Variants in CCDC47 observed in about 807,000 individuals in gnomAD.
The protein encoded by CCDC47 is coiled-coil domain containing 47.
Under a neutral mutation model 60.5 loss-of-function variants are expected in CCDC47, and 41 were observed. That is an observed-to-expected ratio of 0.68 (90% CI 0.53 to 0.88). The LOEUF is 0.88. Among genes scored for constraint, CCDC47 ranks in the 40% least tolerant of loss-of-function variants. The pLI is 0.00. For missense variants in CCDC47, 513 were observed against 580.9 expected (o/e 0.88, Z 1.20); for synonymous variants, 195 against 190.7 (o/e 1.02, Z -0.18).
At chr17:63,763,827 A>G (rs1200818176) in intron 4 of CCDC47, among the ~76,000 whole-genome samples, 189 bp downstream of exon 4, 1 of 151,730 alleles carries the variant, frequency 6.6e-6, no homozygotes, top group Non-Finnish European at 1.5e-5. Context: ...CATCTCAAAA[A>G]TAGTAATAAT....
chr17:63,746,654 A>C lies in CCDC47; in HGVS notation c.*227T>G. 1 of 424,386 alleles carries C rather than the reference A, an allele frequency of 2.4e-6. No homozygotes were observed. Among genetic ancestry groups the C allele is most frequent in the East Asian group, 3.5e-5 (1 of 28,624 alleles). 26.3% of individuals were successfully genotyped at this position (424,386 alleles called of 1,614,324 possible). A position where few individuals can be genotyped will look rare whatever the true frequency, so the allele number is the denominator to read the frequency against. On this transcript the variant is annotated 3_prime_UTR_variant, in exon 13 of 13. Coordinates refer to ENST00000225726, the MANE Select transcript of CCDC47 (RefSeq NM_020198.3). ...TCATTCCTTTTATAAAATAATCAAAATAATTTGATTATCTGGAAAAAAAAA... is the reference window on the plus strand; with the variant it reads ...TCATTCCTTTTATAAAATAATCAAACTAATTTGATTATCTGGAAAAAAAAA...
At chr17:63,764,264 T>G in intron 3 of CCDC47, 74 bp from the exon 4 acceptor site, 2 of 1,139,426 alleles carry the variant, frequency 1.8e-6, no homozygotes, top group South Asian at 1.6e-5. Context: ...GCAGGAAGAA[T>G]GAGAAAATCC....
intron 6 of CCDC47, among the ~76,000 whole-genome samples, chr17:63,758,036 T>A (rs1008655063): frequency 6.6e-6 from 1 of 152,134 alleles, no homozygotes; most frequent in Non-Finnish European, 1.5e-5. Context: ...GGTGAACACA[T>A]CAACCTGCTG....
At chr17:63,757,637 G>A (rs557351106) in intron 6 of CCDC47, among the ~76,000 whole-genome samples, 34 of 152,170 alleles carry the variant, frequency 2.2e-4, no homozygotes, top group African/African-American at 7.5e-4. Flanking sequence ...AATAGAACAC[G>A]AATACACTCA....
At chr17:63,771,975 G>A (rs1439980972) in intron 1 of CCDC47, among the ~76,000 whole-genome samples, 2 of 151,962 alleles carry the variant, frequency 1.3e-5, no homozygotes, top group African/African-American at 2.4e-5. Flanking sequence ...CCAGCTACTC[G>A]GGACGCTGAG....
At chr17:63,761,111 C>T in intron 5 of CCDC47, 119 bp downstream of exon 5, 1 of 1,438,408 alleles carries the variant, frequency 7.0e-7, no homozygotes, top group Non-Finnish European at 9.7e-7. Flanking sequence ...ATAAATATCA[C>T]TTTTAGACCT....
At chr17:63,756,701 A>G in intron 6 of CCDC47, 131 bp from the exon 7 acceptor site, 1 of 632,068 alleles carries the variant, frequency 1.6e-6, no homozygotes, top group Non-Finnish European at 2.8e-6. Context: ...GGATTTGCAA[A>G]TATGATGGAA....
At chr17:63,753,258 AT>A in intron 9 of CCDC47, 1 of 902,970 alleles carries the variant, frequency 1.1e-6, no homozygotes, top group South Asian at 5.1e-5. Flanking sequence ...AGCATATATA[AT>A]TTAGTTCTGT....
chr17:63,764,277 A>T (rs1386016909), intron 3 of CCDC47, 87 bp from the exon 4 acceptor site: 4 of 962,750 alleles, frequency 4.2e-6, no homozygotes, highest in Admixed American at 5.0e-5. Flanking sequence ...GAAAATCCAT[A>T]AACAGAAGGG....
intron 4 of CCDC47, 166 bp from the exon 5 acceptor site, chr17:63,761,517 TAA>T (rs11429720): frequency 7.6e-3 from 1,462 of 191,304 alleles, no homozygotes; most frequent in East Asian, 0.012. Flanking sequence ...CTGTCCCTAC[TAA>T]AAAAAAAAAA....
intron 8 of CCDC47, among the ~76,000 whole-genome samples, chr17:63,755,768 T>C (rs148518883): frequency 2.0e-5 from 3 of 152,186 alleles, no homozygotes; most frequent in Admixed American, 6.5e-5. Context: ...GGAGGAACAC[T>C]TGAGCCCAGA....
intron 10 of CCDC47, 114 bp downstream of exon 10, chr17:63,752,627 C>A: frequency 3.7e-6 from 4 of 1,095,022 alleles, no homozygotes; most frequent in Non-Finnish European, 3.9e-6. Context: ...AGTAAGCAAG[C>A]ACAGGCTTAT....
intron 1 of CCDC47, among the ~76,000 whole-genome samples, chr17:63,767,965 G>C (rs1255315974): frequency 6.6e-6 from 1 of 151,860 alleles, no homozygotes; most frequent in Non-Finnish European, 1.5e-5. Flanking sequence ...GATTCCTATA[G>C]CCACTACAAG....
At chr17:63,754,007 G>A (rs1176457053) in intron 9 of CCDC47, among the ~76,000 whole-genome samples, 10 of 152,188 alleles carry the variant, frequency 6.6e-5, no homozygotes, top group Admixed American at 2.6e-4. Flanking sequence ...TCAGGAGGCT[G>A]AGACAGGAGA....
intron 4 of CCDC47, among the ~76,000 whole-genome samples, chr17:63,762,929 T>C (rs1230145340): frequency 5.3e-5 from 8 of 152,118 alleles, no homozygotes; most frequent in Non-Finnish European, 4.4e-5. Flanking sequence ...TACAATATAT[T>C]CTTATTTTTA....
intron 1 of CCDC47, among the ~76,000 whole-genome samples, chr17:63,772,261 T>G (rs905649072): frequency 1.4e-5 from 2 of 143,918 alleles, no homozygotes; most frequent in Non-Finnish European, 3.1e-5. Flanking sequence ...TTTTTTTTTT[T>G]TTTTTTTTTT....
intron 4 of CCDC47, chr17:63,762,295 T>C: frequency 1.0e-6 from 1 of 971,366 alleles, no homozygotes; most frequent in African/African-American, 1.8e-5. Flanking sequence ...GCTCATTTAT[T>C]TTTTTTCGAA....
chr17:63,747,031 A>G lies in CCDC47; in HGVS notation c.1372-70T>C, dbSNP rs187381678. On this transcript the variant is annotated intron_variant, in intron 12 of 12. Coordinates refer to ENST00000225726, the MANE Select transcript of CCDC47 (RefSeq NM_020198.3). The stretch of plus-strand genomic sequence containing the variant: ...AGAGAATTCAAATTAAGCTTGAAAC[A>G]TATGTTAAAAAAAAATCCAAATTAG... 184 of 1,561,194 alleles carry G rather than the reference A, an allele frequency of 1.2e-4. 1 individual carries two copies. Among genetic ancestry groups the G allele is most frequent in the East Asian group, 4.5e-5 (2 of 43,996 alleles).
At chr17:63,762,303 G>C in intron 4 of CCDC47, 1 of 930,116 alleles carries the variant, frequency 1.1e-6, no homozygotes, top group Non-Finnish European at 1.3e-6. Context: ...ATTTTTTTTC[G>C]AATTTCCTGG....
Sources: allele counts gnomAD v4.1 joint callset (sites outside exome capture counted in the v4.1 genomes callset), GRCh38; gene constraint gnomAD v4.1.1; transcripts MANE v1.5; gene names NCBI Gene and HGNC (gene_info 2026-07-23, HGNC 2026-07-21).